The following NEB variants were observed in gnomAD, a reference collection of about 807,000 sequenced individuals.
NEB encodes the protein nebulin, also known as nemaline myopathy type 2.
In NEB, 512 loss-of-function variants were observed where a neutral mutation model predicts 952.2. The ratio of observed to expected loss-of-function variants is 0.54; its 90% CI spans 0.50 to 0.58. NEB has a LOEUF of 0.58. Ranked by LOEUF, NEB falls within the 20% of genes least tolerant of loss-of-function variation. The pLI is 0.00. For synonymous variants in NEB, 2,900 were observed against 3,149.8 expected, an observed-to-expected ratio of 0.92 and a Z score of 2.66; for missense variants, 8,428 against 9,231.1, an observed-to-expected ratio of 0.91 and a Z score of 3.56.
intron 70 of NEB, among the ~76,000 whole-genome samples, chr2:151,626,155 C>T (rs148677492): frequency 6.9e-4 from 104 of 151,662 alleles, no homozygotes; most frequent in African/African-American, 2.4e-3. Flanking sequence ...ACTCTCTTGC[C>T]CAGGCTGGAA....
At chr2:151,529,691 C>T (rs1329691415) in intron 145 of NEB, among the ~76,000 whole-genome samples, 2 of 152,098 alleles carry the variant, frequency 1.3e-5, no homozygotes, top group African/African-American at 2.4e-5. Context: ...CCACCTCACC[C>T]GGCTAATTTT....
At chr2:151,622,208 A>C (rs1293296281) in intron 71 of NEB, among the ~76,000 whole-genome samples, 1 of 151,998 alleles carries the variant, frequency 6.6e-6, no homozygotes, top group Non-Finnish European at 1.5e-5. Flanking sequence ...GCTGATCTCA[A>C]ACTCTTGAAC....
At chr2:151,665,294 T>G in intron 42 of NEB, 39 bp downstream of exon 42, 11 of 1,590,676 alleles carry the variant, frequency 6.9e-6, no homozygotes, top group South Asian at 3.3e-5. Flanking sequence ...ATGAACACCA[T>G]GAGGGTTCCC....
At chr2:151,707,425 A>C (rs922648002) in intron 12 of NEB, among the ~76,000 whole-genome samples, 2 of 152,158 alleles carry the variant, frequency 1.3e-5, no homozygotes, top group Non-Finnish European at 2.9e-5. Context: ...ACACGCTCCT[A>C]AAGAAAGGAA....
intron 88 of NEB, among the ~76,000 whole-genome samples, 170 bp downstream of exon 88, chr2:151,601,731 G>C (rs1327965533): frequency 1.4e-4 from 1 of 7,090 alleles, no homozygotes; most frequent in African/African-American, 3.4e-4. Context: ...ACCAAACATA[G>C]ATGCAAAAGG....
chr2:151,663,476 G>C, intron 45 of NEB, 72 bp downstream of exon 45: 3 of 1,412,500 alleles, frequency 2.1e-6, no homozygotes, highest in Non-Finnish European at 2.9e-6. Flanking sequence ...TTTTCAAAAC[G>C]TCATTGCTTA....
At chr2:151,559,592 C>CAAATACAT (rs1178718938) in intron 124 of NEB, among the ~76,000 whole-genome samples, 1 of 152,170 alleles carries the variant, frequency 6.6e-6, no homozygotes, top group African/African-American at 2.4e-5. Context: ...ATATATACAC[C>CAAATACAT]ATGGAATACT....
At chr2:151,500,588 TCTTC>T (rs1019102569) in intron 168 of NEB, among the ~76,000 whole-genome samples, 3 of 144,194 alleles carry the variant, frequency 2.1e-5, no homozygotes, top group African/African-American at 7.4e-5. Flanking sequence ...AAGATTTCTT[TCTTC>T]CTTTTTTTTT....
chr2:151,698,685 T>G (rs1222717010), intron 13 of NEB, among the ~76,000 whole-genome samples: 1 of 148,932 alleles, frequency 6.7e-6, no homozygotes, highest in Non-Finnish European at 1.5e-5. Flanking sequence ...TTGCCCAGGC[T>G]GGAGTGCAGT....
rs766326651 is a variant in NEB, at chr2:151,551,228, CA to C, written c.19944+509del. On this transcript the variant is annotated intron_variant, in intron 129 of 181. Transcript: ENST00000397345. ...AGGTGATCTGCCCGCCTCAGCCTCCCAAATTGCTGGGATTACAGGCATGAAC... is the reference window on the plus strand; with the variant it reads ...AGGTGATCTGCCCGCCTCAGCCTCCCAATTGCTGGGATTACAGGCATGAAC... 1.6e-4 allele frequency among the ~76,000 whole-genome samples: 24 copies of C among 151,846 alleles called. No homozygotes were observed. The East Asian group carries it at 4.7e-3, about 29-fold the overall frequency.
intron 34 of NEB, among the ~76,000 whole-genome samples, 153 bp downstream of exon 34, chr2:151,677,412 A>T (rs1212894956): frequency 6.6e-6 from 1 of 152,218 alleles, no homozygotes; most frequent in Admixed American, 6.5e-5. Flanking sequence ...TAGTGCCCAA[A>T]CTACACATAA....
chr2:151,531,177 T>A, intron 144 of NEB, 76 bp from the exon 145 acceptor site: 2 of 955,478 alleles, frequency 2.1e-6, no homozygotes, highest in Non-Finnish European at 3.3e-6. Context: ...TGCAAAGTTT[T>A]TTCCTGAGTG....
At chr2:151,512,994 T>C (rs535084521) in intron 160 of NEB, among the ~76,000 whole-genome samples, 157 bp from the exon 161 acceptor site, 3 of 152,322 alleles carry the variant, frequency 2.0e-5, no homozygotes, top group African/African-American at 4.8e-5. Flanking sequence ...CATAGTTTTA[T>C]ACCAAAGAGT....
chr2:151,516,742 G>A (rs183912061), intron 156 of NEB, among the ~76,000 whole-genome samples, 179 bp from the exon 157 acceptor site: 99 of 152,226 alleles, frequency 6.5e-4, no homozygotes, highest in Non-Finnish European at 7.1e-4. Flanking sequence ...AGGTGTTGAG[G>A]GGATGGGTAC....
chr2:151,618,561 C>T (rs1191559640), intron 73 of NEB, 83 bp from the exon 74 acceptor site: 31 of 1,286,832 alleles, frequency 2.4e-5, no homozygotes, highest in Non-Finnish European at 3.2e-5. Context: ...TAGAGAAACA[C>T]AAAAATACCG....
intron 75 of NEB, among the ~76,000 whole-genome samples, chr2:151,616,872 T>C (rs930212962): frequency 6.6e-6 from 1 of 152,238 alleles, no homozygotes; most frequent in Admixed American, 6.5e-5. Context: ...TGTGGACTAT[T>C]ATCTCGGACA....
At chr2:151,507,173 A>C in intron 162 of NEB, 160 bp from the exon 163 acceptor site, 1 of 561,986 alleles carries the variant, frequency 1.8e-6, no homozygotes, top group Non-Finnish European at 3.1e-6. Context: ...ATTTGATAAG[A>C]ATTTTGTGGA....
chr2:151,670,996 A>T (rs1424526867), intron 38 of NEB, 27 bp downstream of exon 38: 2 of 1,598,734 alleles, frequency 1.3e-6, no homozygotes, highest in Non-Finnish European at 1.7e-6. Flanking sequence ...ATTTACGGGC[A>T]AATCATTTTG....
At chr2:151,523,227 A>G (rs965855032) in intron 153 of NEB, among the ~76,000 whole-genome samples, 3 of 152,168 alleles carry the variant, frequency 2.0e-5, no homozygotes, top group African/African-American at 4.8e-5. Context: ...TACTTATACA[A>G]TTCCATTAAT....
Sources: allele counts gnomAD v4.1 joint callset (sites outside exome capture counted in the v4.1 genomes callset), GRCh38; gene constraint gnomAD v4.1.1; transcripts MANE v1.5; gene names NCBI Gene and HGNC (gene_info 2026-07-23, HGNC 2026-07-21).